Variants in ERC2 observed in about 807,000 individuals in gnomAD.
ERC2 encodes the protein ERC protein 2.
A neutral mutation model predicts 114.8 loss-of-function variants in ERC2; 42 were observed. That is an observed-to-expected ratio of 0.37 (90% confidence interval 0.29 to 0.47). The LOEUF is 0.47. ERC2 is among the 20% of genes least tolerant of loss of function. The pLI is 0.99. For synonymous variants in ERC2, 454 were observed against 425.5 expected (o/e 1.07, Z -0.82); for missense variants, 939 against 1,150.7 (o/e 0.82, Z 2.66).
chr3:55,747,654 T>C (rs1464038114), intron 14 of ERC2, among the ~76,000 whole-genome samples: 5 of 152,256 alleles, frequency 3.3e-5, no homozygotes, highest in African/African-American at 7.2e-5. Flanking sequence ...TTGTTGATTG[T>C]GTCAACAGAA....
At position 55,897,120 on chromosome 3, in the gene ERC2, C is replaced by A. The variant is rs560833686; in HGVS notation, c.2404-8571G>T. Among the ~76,000 whole-genome samples, 46 of 152,272 alleles carry A rather than the reference C, an allele frequency of 3.0e-4. 1 individual carries two copies. The highest frequency in any genetic ancestry group is 6.8e-3 in the Middle Eastern group (2 of 294). On this transcript the variant is annotated intron_variant, in intron 13 of 17. Coordinates refer to ENST00000288221, the MANE Select transcript of ERC2 (RefSeq NM_015576.3). ...AATAAAATAAAAAACCCGTTTAAGA[C>A]CTTAAATCATTAACATGTGTCGACT...
At chr3:56,312,839 C>T (rs1224936671) in intron 2 of ERC2, among the ~76,000 whole-genome samples, 1 of 149,454 alleles carries the variant, frequency 6.7e-6, no homozygotes, top group Non-Finnish European at 1.5e-5. Context: ...TATACTGGTT[C>T]CTAATTAGCC....
At position 55,888,504 on chromosome 3, in the gene ERC2, C is replaced by G. The variant is rs2063458452; in HGVS notation, c.2449G>C (p.Asp817His). 2 of 1,613,860 alleles carry G rather than the reference C, an allele frequency of 1.2e-6. No individual in the cohort carries two copies. The highest frequency in any genetic ancestry group is 2.2e-5 in the East Asian group (1 of 44,852). Reference sequence around the variant, plus strand: ...GAGGCGAGGCGTGCTTTGGTGGCATCCAGTTCCTGTCTGGTCTTCTCCAGT... The same window carrying G: ...GAGGCGAGGCGTGCTTTGGTGGCATGCAGTTCCTGTCTGGTCTTCTCCAGT... ...NALEKTRQEL[D>H]ATKARLASTQ... is the part of the protein sequence containing the mutation. The change falls in exon 14 of 18, where the codon GAT (aspartate) becomes CAT (histidine). Residue 817 changes from aspartate (D) to histidine (H), a missense_variant. Coordinates refer to ENST00000288221, the MANE Select transcript of ERC2 (RefSeq NM_015576.3).
intron 2 of ERC2, among the ~76,000 whole-genome samples, chr3:56,405,019 C>T (rs1370993302): frequency 6.6e-6 from 1 of 151,980 alleles, no homozygotes; most frequent in Non-Finnish European, 1.5e-5. Flanking sequence ...GCAGACCAAG[C>T]GAACGTACAA....
chr3:56,116,667 G>C (rs148086780), intron 6 of ERC2, among the ~76,000 whole-genome samples: 1 of 152,170 alleles, frequency 6.6e-6, no homozygotes, highest in East Asian at 1.9e-4. Context: ...TGCTCATGCT[G>C]TGCCCTCAAC....
intron 6 of ERC2, among the ~76,000 whole-genome samples, chr3:56,118,139 C>A (rs2079354163): frequency 6.6e-6 from 1 of 152,140 alleles, no homozygotes; most frequent in Non-Finnish European, 1.5e-5. Flanking sequence ...GACAATGGGG[C>A]CTAGAGCAAG....
chr3:56,253,741 T>C (rs12485548), intron 3 of ERC2, among the ~76,000 whole-genome samples: 67,963 of 151,546 alleles, frequency 0.45, 15,424 homozygotes, highest in Middle Eastern at 0.48. Flanking sequence ...ATATATGAGA[T>C]ACAAATGCTA....
At chr3:55,831,874 C>T (rs2060615596) in intron 14 of ERC2, among the ~76,000 whole-genome samples, 1 of 152,224 alleles carries the variant, frequency 6.6e-6, no homozygotes, top group African/African-American at 2.4e-5. Flanking sequence ...TGACAGACGG[C>T]ACCTGGAAAA....
chr3:55,829,583 C>G (rs565675731), intron 14 of ERC2, among the ~76,000 whole-genome samples: 1 of 152,128 alleles, frequency 6.6e-6, no homozygotes, highest in Admixed American at 6.5e-5. Flanking sequence ...TGCATAATTA[C>G]GTCTTACTGA....
At chr3:55,852,650 T>A (rs1203304862) in intron 14 of ERC2, 1 of 152,750 alleles carries the variant, frequency 6.5e-6, no homozygotes, top group Non-Finnish European at 1.5e-5. Flanking sequence ...ATTCTTTTCT[T>A]TTGACTCCTT....
At chr3:55,641,328 C>T (rs1303988778) in intron 17 of ERC2, among the ~76,000 whole-genome samples, 1 of 152,008 alleles carries the variant, frequency 6.6e-6, no homozygotes, top group Non-Finnish European at 1.5e-5. Context: ...GGCAGGCAGA[C>T]CTCCTGAGGT....
intron 17 of ERC2, among the ~76,000 whole-genome samples, chr3:55,661,431 T>C (rs1167180465): frequency 6.6e-6 from 1 of 152,218 alleles, no homozygotes; most frequent in Non-Finnish European, 1.5e-5. Flanking sequence ...TTTCCTTTTA[T>C]CACAGCCTCG....
intron 2 of ERC2, among the ~76,000 whole-genome samples, chr3:56,424,754 C>G (rs1371554223): frequency 6.6e-6 from 1 of 152,188 alleles, no homozygotes; most frequent in Non-Finnish European, 1.5e-5. Context: ...AGCTACAGTT[C>G]TCTGAAGAGC....
chr3:55,826,310 AG>A (rs2149169356), intron 14 of ERC2, among the ~76,000 whole-genome samples: 1 of 152,324 alleles, frequency 6.6e-6, no homozygotes, highest in African/African-American at 2.4e-5. Flanking sequence ...GCAGTGCTCC[AG>A]GAAGCCACTA....
chr3:55,868,337 C>T lies in ERC2; in HGVS notation c.2564+20052G>A, dbSNP rs541550695. Among the ~76,000 whole-genome samples, 33 of 152,302 alleles carry T rather than the reference C, an allele frequency of 2.2e-4. 1 individual carries two copies. The South Asian group carries it at 6.6e-3, about 31-fold the overall frequency. ...TCCACATCTAAAAAGTGGGAAAATC[C>T]ACTGGATTCCTGTAAACTGTTTGTT... On this transcript the variant is annotated intron_variant, in intron 14 of 17. Coordinates refer to ENST00000288221, the MANE Select transcript of ERC2 (RefSeq NM_015576.3).
intron 7 of ERC2, among the ~76,000 whole-genome samples, chr3:56,048,648 C>A (rs926023275): frequency 6.6e-6 from 1 of 152,108 alleles, no homozygotes; most frequent in Non-Finnish European, 1.5e-5. Context: ...TCTCAATATG[C>A]CTGGTTATAT....
chr3:55,520,682 T>A (rs1427968936), intron 17 of ERC2, among the ~76,000 whole-genome samples: 2 of 152,210 alleles, frequency 1.3e-5, no homozygotes, highest in African/African-American at 4.8e-5. Context: ...CCCAGGGCCT[T>A]GGAAAAGTCA....
In ERC2 at chr3:56,289,129, C is replaced by G. The variant is rs572305302; in HGVS notation, c.1074+6890G>C. ...AAGATTTCATCAAACTCAACACATT[C>G]GAAGTCTTCCCTCAACCTTAGCTCC... is the stretch of plus-strand genomic sequence containing the variant. On this transcript the variant is annotated intron_variant, in intron 3 of 17. Transcript: ENST00000288221. Among the ~76,000 whole-genome samples the G allele has an allele frequency of 5.3e-5, 8 of 152,278 alleles. No homozygotes were observed. In the South Asian group the frequency reaches 1.7e-3, roughly 32 times the overall value.
intron 13 of ERC2, among the ~76,000 whole-genome samples, chr3:55,909,350 TG>T (rs1559855027): frequency 6.6e-6 from 1 of 152,200 alleles, no homozygotes; most frequent in Non-Finnish European, 1.5e-5. Context: ...GTTTGAGTCC[TG>T]GGGAGTTTTG....
Sources: allele counts gnomAD v4.1 joint callset (sites outside exome capture counted in the v4.1 genomes callset), GRCh38; gene constraint gnomAD v4.1.1; transcripts MANE v1.5; gene names NCBI Gene and HGNC (gene_info 2026-07-23, HGNC 2026-07-21).